The following SVIL variants were observed in gnomAD, a reference collection of about 807,000 sequenced individuals.
SVIL encodes archvillin.
Under a neutral mutation model 240.4 loss-of-function variants are expected in SVIL, and 101 were observed. That is an observed-to-expected ratio of 0.42 (90% CI 0.36 to 0.50). The LOEUF (loss-of-function observed/expected upper bound fraction) is 0.50. SVIL is among the 20% of genes least tolerant of loss of function. SVIL has a pLI of 0.01. For missense variants in SVIL, 2,512 were observed against 2,818.7 expected (o/e 0.89, Z 2.46); for synonymous variants, 999 against 1,100.0 (o/e 0.91, Z 1.82).
In SVIL at chr10:29,535,973, G is replaced by A. The variant is rs1425783202; in HGVS notation, c.908+16C>T. The A allele has an allele frequency of 1.9e-6, 3 of 1,613,902 alleles. No individual in the cohort carries two copies. Among genetic ancestry groups the A allele is most frequent in the South Asian group, 2.2e-5 (2 of 91,066 alleles). On this transcript the variant is annotated intron_variant, in intron 7 of 37. Transcript: ENST00000355867. ...CACTCATGCACACAAGCCCCAGAGG[G>A]CCGGCGTGCGGGTACCTGGAAGGCC...
chr10:29,635,123 G>C (rs979435565), upstream of SVIL, among the ~76,000 whole-genome samples: 9 of 152,138 alleles, frequency 5.9e-5, no homozygotes, highest in African/African-American at 2.2e-4. Context: ...CAATTAGGTT[G>C]TCCACACTGT....
chr10:29,528,255 G>A (rs2132549497), intron 12 of SVIL, among the ~76,000 whole-genome samples: 1 of 152,232 alleles, frequency 6.6e-6, no homozygotes, highest in African/African-American at 2.4e-5. Flanking sequence ...AGCTACAAAT[G>A]CACCAAGAAA....
At chr10:29,469,839 C>T (rs866112899) in intron 32 of SVIL, among the ~76,000 whole-genome samples, 5 of 152,350 alleles carry the variant, frequency 3.3e-5, no homozygotes, top group South Asian at 2.1e-4. Context: ...GATATCTTAT[C>T]GTCTGACACA....
At chr10:29,465,477 G>T in intron 34 of SVIL, 118 bp downstream of exon 34, 1 of 1,268,222 alleles carries the variant, frequency 7.9e-7, no homozygotes, top group Non-Finnish European at 1.1e-6. Flanking sequence ...TGTTCTGGGT[G>T]CTCTGGGAAT....
At position 29,490,585 on chromosome 10, in the gene SVIL, TA is replaced by T. The variant is rs57898945; in HGVS notation, c.4192+261del. Among the ~76,000 whole-genome samples the T allele has an allele frequency of 7.0e-3, 532 of 76,182 alleles. 5 individuals are homozygous for T. The East Asian group carries it at 0.16, about 23-fold the overall frequency. The allele number at this position is 76,182 out of a possible 152,430, so 50.0% of individuals were successfully genotyped here. A position where few individuals can be genotyped will look rare whatever the true frequency, so the allele number is the denominator to read the frequency against. ...GCAATATGATGAAACCCCCAGTCTT[TA>T]AAAAAAAAAAAAAAAAACCAAACCC... On this transcript the variant is annotated intron_variant, in intron 22 of 37. Transcript: ENST00000355867.
intron 18 of SVIL, among the ~76,000 whole-genome samples, chr10:29,497,386 T>G (rs7081871): frequency 0.037 from 5,702 of 152,280 alleles, 367 homozygotes; most frequent in African/African-American, 0.13. Flanking sequence ...TGATGGTATG[T>G]GCATATAGGT....
intron 1 of SVIL, among the ~76,000 whole-genome samples, chr10:29,717,456 T>C (rs1480668746): frequency 6.6e-6 from 1 of 152,070 alleles, no homozygotes; most frequent in Admixed American, 6.6e-5. Flanking sequence ...GTAACTTGAA[T>C]CAATATGTGG....
chr10:29,611,905 G>C (rs1006188447), intron 1 of SVIL, among the ~76,000 whole-genome samples: 3 of 152,176 alleles, frequency 2.0e-5, no homozygotes, highest in African/African-American at 4.8e-5. Flanking sequence ...GCCAGAACCA[G>C]GGGGAGAATC....
chr10:29,699,117 G>T (rs1259325111), intron 1 of SVIL, among the ~76,000 whole-genome samples: 1 of 152,078 alleles, frequency 6.6e-6, no homozygotes, highest in African/African-American at 2.4e-5. Flanking sequence ...ACTGCTGTTT[G>T]GTTGCTGTAT....
chr10:29,550,534 C>G (rs1953208490), intron 6 of SVIL, 63 bp downstream of exon 6: 11 of 1,473,948 alleles, frequency 7.5e-6, no homozygotes, highest in Middle Eastern at 4.8e-4. Context: ...CCCTATCACA[C>G]AGAGAGGCAA....
chr10:29,644,827 G>A (rs1359406363), intron 3 of SVIL, among the ~76,000 whole-genome samples: 1 of 152,102 alleles, frequency 6.6e-6, no homozygotes, highest in Non-Finnish European at 1.5e-5. Context: ...AGTGACTTCT[G>A]TATTGAGGGC....
At chr10:29,480,492 G>A (rs762073882) in intron 29 of SVIL, 45 bp downstream of exon 29, 21 of 1,600,092 alleles carry the variant, frequency 1.3e-5, no homozygotes, top group Admixed American at 3.4e-5. Context: ...CAGGGCTGCC[G>A]GGCCAGCCTC....
intron 31 of SVIL, 79 bp from the exon 32 acceptor site, chr10:29,470,562 G>A (rs1945453105): frequency 2.6e-6 from 4 of 1,540,086 alleles, no homozygotes; most frequent in South Asian, 1.1e-5. Flanking sequence ...AGTGTCCGCT[G>A]TGTCGTCCAA....
chr10:29,534,305 C>T (rs1002552693), intron 7 of SVIL, among the ~76,000 whole-genome samples: 1 of 152,102 alleles, frequency 6.6e-6, no homozygotes, highest in African/African-American at 2.4e-5. Context: ...GAGTTTGAGA[C>T]CAGTTTGGGC....
intron 1 of SVIL, among the ~76,000 whole-genome samples, chr10:29,612,716 GA>G (rs1957291004): frequency 6.6e-6 from 1 of 152,056 alleles, no homozygotes; most frequent in African/African-American, 2.4e-5. Context: ...CATAGCAAAG[GA>G]AAAAAGATTT....
At chr10:29,710,413 A>T (rs527662461) in intron 1 of SVIL, among the ~76,000 whole-genome samples, 1 of 152,316 alleles carries the variant, frequency 6.6e-6, no homozygotes, top group Admixed American at 6.5e-5. Flanking sequence ...ATCCCCTGCT[A>T]CAAATCAATG....
At chr10:29,552,518 A>G (rs4747670) in intron 5 of SVIL, among the ~76,000 whole-genome samples, 44,229 of 147,846 alleles carry the variant, frequency 0.3, 6,829 homozygotes, top group African/African-American at 0.38. Context: ...AGCCGAGATC[A>G]TGCCACTGCC....
chr10:29,475,028 G>C (rs1029679620), intron 29 of SVIL, among the ~76,000 whole-genome samples: 2 of 152,150 alleles, frequency 1.3e-5, no homozygotes, highest in Admixed American at 1.3e-4. Flanking sequence ...TTGGTGTGGA[G>C]AGCAGTCACA....
intron 2 of SVIL, among the ~76,000 whole-genome samples, chr10:29,668,133 A>G (rs1005785188): frequency 6.6e-6 from 1 of 152,154 alleles, no homozygotes; most frequent in Non-Finnish European, 1.5e-5. Flanking sequence ...GCCATATAAA[A>G]TTTCTTAAAG....
Sources: gnomAD v4.1 joint callset for allele counts (sites outside exome capture counted in the v4.1 genomes callset) on GRCh38, gnomAD v4.1.1 for gene constraint, MANE v1.5 for transcripts, NCBI Gene and HGNC (gene_info 2026-07-23, HGNC 2026-07-21) for gene names.